Variants in RTBDN observed in about 807,000 individuals in gnomAD.
RTBDN encodes the protein retbindin.
RTBDN carries 24 observed loss-of-function variants against 21.9 expected under a neutral mutation model. The ratio of observed to expected loss-of-function variants is 1.10; its 90% CI spans 0.79 to 1.54. The LOEUF (loss-of-function observed/expected upper bound fraction) is 1.54, where lower values mean the gene tolerates loss of function less well. Ranked by LOEUF, RTBDN falls within the 40% of genes most tolerant of loss-of-function variation. The pLI is 0.00. For missense variants in RTBDN, 325 were observed against 315.2 expected, an observed-to-expected ratio of 1.03 and a Z score of -0.23; for synonymous variants, 141 against 125.9, an observed-to-expected ratio of 1.12 and a Z score of -0.80.
In RTBDN at chr19:12,830,904, G is replaced by T. The variant is rs1969547834; in HGVS notation, c.-18-907C>A. 6.6e-6 allele frequency among the ~76,000 whole-genome samples: 1 copy of T among 150,822 alleles called. No homozygotes were observed. The highest frequency in any genetic ancestry group is 1.5e-5 in the Non-Finnish European group (1 of 67,718). On this transcript the variant is annotated intron_variant, in intron 1 of 5. Coordinates refer to ENST00000674343, the MANE Select transcript of RTBDN (RefSeq NM_001270441.2). The surrounding 1 kb of genome is among the most constrained non-coding windows in gnomAD (Gnocchi z 4.2). ...TGTGTTTGTGTGGCCTATAGCCTGT[G>T]TGTGTTCCCAGGCACCTGTGTCTTT...
chr19:12,830,076 C>T lies in RTBDN; in HGVS notation c.-18-79G>A. On this transcript the variant is annotated intron_variant, in intron 1 of 5. Transcript: ENST00000674343. This position sits in a 1 kb window ranked among gnomAD's most constrained non-coding sequence, Gnocchi z 4.2. ...ACCCACCCAGTGCATACCCAAGAAG[C>T]AGTGCCAGGCAGAGTAGGGAAAGTG... 1 of 1,473,816 alleles carries T rather than the reference C, an allele frequency of 6.8e-7. No individual in the cohort carries two copies. 91.3% of individuals were successfully genotyped at this position (1,473,816 alleles called of 1,614,324 possible).
At chr19:12,826,021 C>T (rs998673121) in intron 5 of RTBDN, 88 bp from the exon 6 acceptor site, 5 of 1,445,904 alleles carry the variant, frequency 3.5e-6, no homozygotes, top group Admixed American at 5.7e-5. Context: ...GTGTAAATTC[C>T]TTAGGGATTG....
chr19:12,828,669 A>T lies in RTBDN; in HGVS notation c.353T>A (p.Leu118His). Residue 118 changes from leucine to histidine, a missense_variant, in exon 4 of 6, where the codon CTC becomes CAC. Physicochemically the swap from Leu to His is moderately conservative, Grantham distance 99. Transcript: ENST00000674343. ...CCGCGTCTCCTACCAGGCCTGGCAG[A>T]GCTCCTCGCAGAGCGGCTGTGCCTG... Reference protein sequence around the residue: ...VRQAQPLCEELCQAWFANCED... With the variant: ...VRQAQPLCEEHCQAWFANCED... 1 of 1,613,540 alleles carries T rather than the reference A, an allele frequency of 6.2e-7. No homozygotes were observed. The highest frequency in any genetic ancestry group is 1.7e-5 in the Admixed American group (1 of 59,976).
Position 12,828,730 on chromosome 19 carries a change from G to A in RTBDN, c.292C>T (p.Arg98Cys), listed in dbSNP as rs772558749. Residue 98 changes from arginine (R) to cysteine (C), a missense_variant, in exon 4 of 6, where the codon CGC becomes TGC. Transcript: ENST00000674343. ...AATAGCCGCAGGCGGAAGCGACTGC[G>A]AAGGGCACGTTGGAGGTGTTCCAGG... is the stretch of plus-strand genomic sequence containing the variant. ...SFLEHLQRAL[R>C]SRFRLRLLGV... 1.7e-5 allele frequency: 27 copies of A among 1,614,128 alleles called. No homozygotes were observed. The highest frequency in any genetic ancestry group is 1.9e-5 in the Non-Finnish European group (23 of 1,180,046).
At position 12,830,275 on chromosome 19, in the gene RTBDN, C is replaced by T. The variant is rs1969517585; in HGVS notation, c.-18-278G>A. The stretch of plus-strand genomic sequence containing the variant: ...TGGCCCTCCTCCCATCCAGCAGGAT[C>T]TCCCACCTTTTTAGTCTTCAAGAGA... On this transcript the variant is annotated intron_variant, in intron 1 of 5. Transcript: ENST00000674343. This position sits in a 1 kb window ranked among gnomAD's most constrained non-coding sequence, Gnocchi z 4.2. The T allele has an allele frequency of 8.4e-7, 1 of 1,189,872 alleles. No individual in the cohort carries two copies. Among genetic ancestry groups the T allele is most frequent in the South Asian group, 3.4e-5 (1 of 29,696 alleles). 73.7% of individuals were successfully genotyped at this position (1,189,872 alleles called of 1,614,324 possible).
chr19:12,826,587 G>A (rs917104799), intron 5 of RTBDN, 188 bp downstream of exon 5: 5 of 698,914 alleles, frequency 7.2e-6, no homozygotes, highest in African/African-American at 3.6e-5. Flanking sequence ...CCAGCTATTC[G>A]GGAGGTTGCG....
At chr19:12,834,886 T>C, upstream of RTBDN, 1 of 1,608,460 alleles carries the variant, frequency 6.2e-7, no homozygotes. This position sits in a 1 kb window ranked among gnomAD's most constrained non-coding sequence, Gnocchi z 4.7. Context: ...AATACGGAGG[T>C]CCGGTCCCAA....
chr19:12,827,577 C>T (rs1433170145), intron 4 of RTBDN, among the ~76,000 whole-genome samples: 1 of 151,914 alleles, frequency 6.6e-6, no homozygotes, highest in Non-Finnish European at 1.5e-5. Context: ...CCCACCTTGG[C>T]CTCCCAAAGT....
chr19:12,830,667 G>C lies in RTBDN; in HGVS notation c.-18-670C>G. 1.0e-6 allele frequency: 1 copy of C among 985,566 alleles called. No individual in the cohort carries two copies. The allele number at this position is 985,566 out of a possible 1,614,324, so 61.1% of individuals were successfully genotyped here. ...TAAGACACCTCAGGATCCAGTCCAG[G>C]AAACTGGCTGCTGAAAGGGGCGTGG... On this transcript the variant is annotated intron_variant, in intron 1 of 5. Coordinates refer to ENST00000674343, the MANE Select transcript of RTBDN (RefSeq NM_001270441.2). The surrounding 1 kb of genome is among the most constrained non-coding windows in gnomAD (Gnocchi z 4.2).
At position 12,834,498 on chromosome 19, in the gene RTBDN, C is replaced by T. The variant is rs947163177; in HGVS notation, c.-28G>A. ...TGCGTCCCCCACGCACCTGCCTGGCCATCAGGATTCTTCCTACTGCCCTAA... is the reference window on the plus strand; with the variant it reads ...TGCGTCCCCCACGCACCTGCCTGGCTATCAGGATTCTTCCTACTGCCCTAA... On this transcript the variant is annotated 5_prime_UTR_variant, in exon 1 of 6. It removes an upstream start codon present in the reference 5' UTR. Coordinates refer to ENST00000674343, the MANE Select transcript of RTBDN (RefSeq NM_001270441.2). The surrounding 1 kb of genome is among the most constrained non-coding windows in gnomAD (Gnocchi z 4.7). The T allele has an allele frequency of 1.3e-6, 2 of 1,535,478 alleles. No homozygotes were observed. The highest frequency in any genetic ancestry group is 2.7e-5 in the African/African-American group (2 of 73,176).
intron 4 of RTBDN, among the ~76,000 whole-genome samples, chr19:12,828,398 A>C (rs1969406586): frequency 6.6e-6 from 1 of 152,018 alleles, no homozygotes; most frequent in African/African-American, 2.4e-5. Flanking sequence ...TCCATCTCAA[A>C]AAAAAAAAGA....
intron 2 of RTBDN, among the ~76,000 whole-genome samples, 155 bp downstream of exon 2, chr19:12,829,656 A>G (rs1969478863): frequency 6.6e-6 from 1 of 152,376 alleles, no homozygotes; most frequent in Non-Finnish European, 1.5e-5. Context: ...GAACCCAGGC[A>G]GTCTAATTCT....
chr19:12,829,527 A>G (rs1211271492), intron 2 of RTBDN, among the ~76,000 whole-genome samples: 1 of 152,120 alleles, frequency 6.6e-6, no homozygotes, highest in Non-Finnish European at 1.5e-5. Flanking sequence ...CTTAATCTTA[A>G]CAACAGCTCT....
upstream of RTBDN, chr19:12,835,126 C>G (rs1324583735): frequency 6.2e-7 from 1 of 1,612,290 alleles, no homozygotes. Flanking sequence ...CCATCATTCC[C>G]GAGGTTGAAG....
chr19:12,831,510 G>T (rs1334064929), intron 1 of RTBDN, among the ~76,000 whole-genome samples: 1 of 152,144 alleles, frequency 6.6e-6, no homozygotes, highest in Non-Finnish European at 1.5e-5. Flanking sequence ...TTTGAAACCA[G>T]GCTGGCCAAC....
At position 12,830,394 on chromosome 19, in the gene RTBDN, C is replaced by T; in HGVS notation, c.-18-397G>A. ...CCTCCCTCTCTTCTATGCGGCCTCC[C>T]TCCTCCCTCTCTCGCTCCCTGCCGG... On this transcript the variant is annotated intron_variant, in intron 1 of 5. Coordinates refer to ENST00000674343, the MANE Select transcript of RTBDN (RefSeq NM_001270441.2). The surrounding 1 kb of genome is among the most constrained non-coding windows in gnomAD (Gnocchi z 4.2). 1 of 992,558 alleles carries T rather than the reference C, an allele frequency of 1.0e-6. No individual in the cohort carries two copies. Among genetic ancestry groups the T allele is most frequent in the Non-Finnish European group, 1.2e-6 (1 of 834,758 alleles). The allele number at this position is 992,558 out of a possible 1,614,324, so 61.5% of individuals were successfully genotyped here. A position where few individuals can be genotyped will look rare whatever the true frequency, so the allele number is the denominator to read the frequency against.
upstream of RTBDN, chr19:12,834,629 C>G (rs1969695259): frequency 2.0e-6 from 3 of 1,513,330 alleles, no homozygotes; most frequent in East Asian, 7.3e-5. The surrounding 1 kb of genome is among the most constrained non-coding windows in gnomAD (Gnocchi z 4.7). Flanking sequence ...TGTGGGTGGG[C>G]GGGAGCGATT....
chr19:12,830,742 C>G lies in RTBDN; in HGVS notation c.-18-745G>C. 1.1e-6 allele frequency: 1 copy of G among 939,960 alleles called. No homozygotes were observed. The highest frequency in any genetic ancestry group is 1.3e-6 in the Non-Finnish European group (1 of 788,476). 58.2% of individuals were successfully genotyped at this position (939,960 alleles called of 1,614,324 possible). ...ACCGTCCTGCCCACACTCCAGCTGA[C>G]CAAAGGCTGGCCGACTTGGGGCTGG... On this transcript the variant is annotated intron_variant, in intron 1 of 5. Coordinates refer to ENST00000674343, the MANE Select transcript of RTBDN (RefSeq NM_001270441.2). This position sits in a 1 kb window ranked among gnomAD's most constrained non-coding sequence, Gnocchi z 4.2.
intron 1 of RTBDN, among the ~76,000 whole-genome samples, chr19:12,831,391 G>T (rs1360329795): frequency 6.6e-6 from 1 of 152,120 alleles, no homozygotes; most frequent in Non-Finnish European, 1.5e-5. Flanking sequence ...TAGATTCTGG[G>T]GATGCAGTAG....
Sources: gnomAD v4.1 joint callset for allele counts (sites outside exome capture counted in the v4.1 genomes callset) on GRCh38, gnomAD v4.1.1 for gene constraint, Gnocchi (gnomAD v3.1) non-coding constraint, MANE v1.5 for transcripts, NCBI Gene and HGNC (gene_info 2026-07-23, HGNC 2026-07-21) for gene names.